PIP4K2A: variants seen among roughly 807,000 people sequenced by gnomAD.
The protein encoded by PIP4K2A is phosphatidylinositol-5-phosphate 4-kinase type 2 alpha.
Under a neutral mutation model 42.9 loss-of-function variants are expected in PIP4K2A, and 14 were observed. The observed-to-expected ratio is 0.33, with a 90% confidence interval of 0.22 to 0.51. The LOEUF is 0.51. PIP4K2A is among the 20% of genes least tolerant of loss of function. PIP4K2A has a pLI of 0.97. For synonymous variants in PIP4K2A, 192 were observed against 192.2 expected (o/e 1.00, Z 0.01); for missense variants, 434 against 519.8 (o/e 0.83, Z 1.61).
intron 1 of PIP4K2A, among the ~76,000 whole-genome samples, chr10:22,708,550 T>C (rs1215480239): frequency 6.6e-6 from 1 of 152,124 alleles, no homozygotes; most frequent in African/African-American, 2.4e-5. Context: ...TGTGTCCCTT[T>C]CCAACCTACA....
intron 1 of PIP4K2A, among the ~76,000 whole-genome samples, chr10:22,667,501 C>G (rs749904460): frequency 1.4e-4 from 21 of 152,250 alleles, no homozygotes; most frequent in Non-Finnish European, 2.4e-4. Flanking sequence ...TGTGGTTTTA[C>G]TCATTCTTCA....
At chr10:22,623,695 A>G (rs1202002704) in intron 1 of PIP4K2A, among the ~76,000 whole-genome samples, 3 of 152,190 alleles carry the variant, frequency 2.0e-5, no homozygotes, top group Non-Finnish European at 4.4e-5. Context: ...GGATTTGCAG[A>G]TCATACCATC....
chr10:22,557,116 C>CAAA (rs1836573655), intron 6 of PIP4K2A, among the ~76,000 whole-genome samples: 1 of 152,154 alleles, frequency 6.6e-6, no homozygotes, highest in Non-Finnish European at 1.5e-5. Context: ...TCAATGATCT[C>CAAA]TAAGGACAGA....
intron 3 of PIP4K2A, among the ~76,000 whole-genome samples, chr10:22,596,728 A>G (rs1005508344): frequency 6.6e-6 from 1 of 152,236 alleles, no homozygotes; most frequent in African/African-American, 2.4e-5. Flanking sequence ...AGTTGGAAGC[A>G]ACCTTGGAGA....
intron 1 of PIP4K2A, among the ~76,000 whole-genome samples, chr10:22,628,784 A>G (rs1178622324): frequency 6.6e-6 from 1 of 152,236 alleles, no homozygotes; most frequent in African/African-American, 2.4e-5. Context: ...AACCAAGGGT[A>G]TATCATGCAG....
chr10:22,663,462 T>A (rs751186548), intron 1 of PIP4K2A, among the ~76,000 whole-genome samples: 13 of 152,218 alleles, frequency 8.5e-5, no homozygotes, highest in Admixed American at 3.3e-4. Flanking sequence ...CAATTCAACT[T>A]TTTTCTAATT....
intron 1 of PIP4K2A, among the ~76,000 whole-genome samples, chr10:22,622,225 C>G (rs139292048): frequency 6.6e-5 from 10 of 152,198 alleles, no homozygotes. Context: ...AAGCTGCTAC[C>G]TCTGTGCCGG....
At position 22,541,863 on chromosome 10, in the gene PIP4K2A, G is replaced by A. The variant is rs1420894942; in HGVS notation, c.977C>T (p.Pro326Leu). 1 of 1,605,388 alleles carries A rather than the reference G, an allele frequency of 6.2e-7. No homozygotes were observed. The highest frequency in any genetic ancestry group is 8.5e-7 in the Non-Finnish European group (1 of 1,176,478). Residue 326 changes from proline to leucine, a missense_variant, in exon 8 of 10, where the codon CCC becomes CTC. This residue lies in a region of PIP4K2A where 395 missense variants were observed against 444.5 expected (regional missense o/e 0.89). Transcript: ENST00000376573. ...SPGNTLNSSP[P>L]LAPGEFDPNI... ...CGGATCGAACTCCCCGGGAGCCAGG[G>A]GTGGTGAGCTGTTCAGTGTATTCCC...
intron 1 of PIP4K2A, among the ~76,000 whole-genome samples, chr10:22,700,534 C>A (rs1484753784): frequency 2.0e-5 from 3 of 152,318 alleles, no homozygotes; most frequent in African/African-American, 7.2e-5. Flanking sequence ...AGCACACAGG[C>A]ACCTCTGTGC....
At chr10:22,707,843 T>C (rs1017291090) in intron 1 of PIP4K2A, among the ~76,000 whole-genome samples, 11 of 152,328 alleles carry the variant, frequency 7.2e-5, no homozygotes, top group Admixed American at 1.3e-4. Flanking sequence ...AAGTGGTCCA[T>C]GGATAGAATT....
At chr10:22,679,947 A>G (rs1342055569) in intron 1 of PIP4K2A, among the ~76,000 whole-genome samples, 1 of 152,196 alleles carries the variant, frequency 6.6e-6, no homozygotes, top group Non-Finnish European at 1.5e-5. Context: ...GAGAATGGTT[A>G]TACAACCCCT....
chr10:22,536,521 G>A lies in PIP4K2A; in HGVS notation c.*680C>T, dbSNP rs748804871. On this transcript the variant is annotated 3_prime_UTR_variant, in exon 10 of 10. Coordinates refer to ENST00000376573, the MANE Select transcript of PIP4K2A (RefSeq NM_005028.5). The stretch of plus-strand genomic sequence containing the variant: ...AGGCTGGGGCCAGAACCCTGAACCA[G>A]TACACACGGAGACGCCAGCATTCTT... The A allele has an allele frequency of 5.9e-6, 1 of 170,794 alleles. No homozygotes were observed. Among genetic ancestry groups the A allele is most frequent in the Non-Finnish European group, 1.2e-5 (1 of 80,864 alleles). The allele number at this position is 170,794 out of a possible 1,614,324, so 10.6% of individuals were successfully genotyped here.
intron 1 of PIP4K2A, among the ~76,000 whole-genome samples, chr10:22,707,753 C>T (rs75958626): frequency 6.6e-6 from 1 of 152,126 alleles, no homozygotes; most frequent in Non-Finnish European, 1.5e-5. Context: ...CTGGCTGCTG[C>T]GTGCTCTCCC....
intron 1 of PIP4K2A, among the ~76,000 whole-genome samples, chr10:22,629,997 A>G (rs1838516488): frequency 6.6e-6 from 1 of 152,178 alleles, no homozygotes; most frequent in African/African-American, 2.4e-5. Flanking sequence ...TGGACTAGCT[A>G]CAAGATGCTC....
At chr10:22,660,160 CATAATCAGTGTTT>C (rs375272832) in intron 1 of PIP4K2A, among the ~76,000 whole-genome samples, 1,565 of 152,254 alleles carry the variant, frequency 0.01, 29 homozygotes, top group African/African-American at 0.036. Flanking sequence ...GTGCCTGGCG[CATAATCAGTGTTT>C]ATAAATGCTT....
Position 22,612,033 on chromosome 10 carries a change from C to T in PIP4K2A, c.145-2316G>A, listed in dbSNP as rs1410267496. Among the ~76,000 whole-genome samples the T allele has an allele frequency of 3.9e-5, 6 of 152,214 alleles. No individual in the cohort carries two copies. The South Asian group carries it at 1.2e-3, about 32-fold the overall frequency. On this transcript the variant is annotated intron_variant, in intron 1 of 9. Coordinates refer to ENST00000376573, the MANE Select transcript of PIP4K2A (RefSeq NM_005028.5). ...GAAACAGGAAACCAGAAACTTTCTG[C>T]ATCCTTTTGCTTTATGGTACCTGCT...
At position 22,539,974 on chromosome 10, in the gene PIP4K2A, A is replaced by G. The variant is rs1186624336; in HGVS notation, c.1137T>C (p.His379=). ...KAAHAAKTVK[H]GAGAEISTVN... is the part of the protein sequence containing the mutation. Reference sequence around the variant, plus strand: ...GAAACAAAATGGAGATACTCACGCCATGTTTAACAGTTTTTGCAGCATGGG... The same window carrying G: ...GAAACAAAATGGAGATACTCACGCCGTGTTTAACAGTTTTTGCAGCATGGG... The change falls in exon 9 of 10, where the codon CAT becomes CAC. Residue 379 remains histidine, a synonymous_variant. Coordinates refer to ENST00000376573, the MANE Select transcript of PIP4K2A (RefSeq NM_005028.5). The G allele has an allele frequency of 1.9e-6, 3 of 1,572,118 alleles. No individual in the cohort carries two copies. Among genetic ancestry groups the G allele is most frequent in the Non-Finnish European group, 2.6e-6 (3 of 1,141,974 alleles).
intron 1 of PIP4K2A, among the ~76,000 whole-genome samples, chr10:22,637,887 A>G (rs1339649016): frequency 6.6e-6 from 1 of 152,258 alleles, no homozygotes. Context: ...ACTCTAAAAC[A>G]GATTTTTCAG....
chr10:22,540,866 T>C (rs189704176), intron 8 of PIP4K2A, among the ~76,000 whole-genome samples: 6 of 152,332 alleles, frequency 3.9e-5, no homozygotes, highest in African/African-American at 1.4e-4. Context: ...GTGTCTGTTT[T>C]CTATCCATTT....
Sources: gnomAD v4.1 joint callset for allele counts (sites outside exome capture counted in the v4.1 genomes callset) on GRCh38, gnomAD v4.1.1 for gene constraint, gnomAD v4.1.1 regional missense constraint, MANE v1.5 for transcripts, NCBI Gene and HGNC (gene_info 2026-07-23, HGNC 2026-07-21) for gene names.